GRIP1: variants seen among roughly 807,000 people sequenced by gnomAD.
GRIP1 encodes the protein glutamate receptor-interacting protein 1.
In GRIP1, 45 loss-of-function variants were observed where a neutral mutation model predicts 129.9. The ratio of observed to expected loss-of-function variants is 0.35; its 90% CI spans 0.27 to 0.44. The LOEUF is 0.44. GRIP1 is among the 20% of genes least tolerant of loss of function. GRIP1 has a pLI of 1.00. For synonymous variants in GRIP1, 530 were observed against 520.8 expected, an observed-to-expected ratio of 1.02 and a Z score of -0.24; for missense variants, 1,196 against 1,396.8, an observed-to-expected ratio of 0.86 and a Z score of 2.29.
intron 15 of GRIP1, among the ~76,000 whole-genome samples, chr12:66,406,731 T>G (rs2057205054): frequency 1.3e-5 from 2 of 152,238 alleles, no homozygotes; most frequent in Non-Finnish European, 2.9e-5. Context: ...GGCGAGGGTC[T>G]GCATAGACCC....
chr12:66,809,476 A>G (rs1168647423), intron 1 of GRIP1, among the ~76,000 whole-genome samples: 5 of 152,148 alleles, frequency 3.3e-5, no homozygotes, highest in Non-Finnish European at 5.9e-5. Flanking sequence ...TAGCCTTGGG[A>G]GAGATACCCT....
intron 1 of GRIP1, among the ~76,000 whole-genome samples, chr12:66,724,656 G>A (rs536617092): frequency 7.1e-4 from 108 of 152,116 alleles, no homozygotes; most frequent in African/African-American, 1.8e-3. Context: ...TGTACCATAC[G>A]ACCCCTCCTT....
intron 1 of GRIP1, among the ~76,000 whole-genome samples, chr12:66,844,911 C>G (rs2039786535): frequency 6.6e-6 from 1 of 152,038 alleles, no homozygotes; most frequent in African/African-American, 2.4e-5. Flanking sequence ...CTAGAATAGT[C>G]AAATTCATAG....
At chr12:66,866,059 C>T (rs896790763) in intron 1 of GRIP1, among the ~76,000 whole-genome samples, 11 of 152,112 alleles carry the variant, frequency 7.2e-5, no homozygotes, top group South Asian at 2.1e-4. Flanking sequence ...CCCATGGCTG[C>T]GACTTTTATT....
At chr12:66,913,214 A>G (rs546845256) in intron 1 of GRIP1, among the ~76,000 whole-genome samples, 10 of 152,260 alleles carry the variant, frequency 6.6e-5, no homozygotes, top group African/African-American at 2.4e-4. Flanking sequence ...TTACTCCAAA[A>G]CTTCTCAAAG....
chr12:66,688,988 G>T, intron 1 of GRIP1, among the ~76,000 whole-genome samples: 1 of 152,098 alleles, frequency 6.6e-6, no homozygotes, highest in East Asian at 1.9e-4. Context: ...CTGCAGTCTA[G>T]CAAGTACACC....
intron 1 of GRIP1, among the ~76,000 whole-genome samples, chr12:66,970,721 G>A (rs1221336380): frequency 6.6e-6 from 1 of 151,970 alleles, no homozygotes; most frequent in African/African-American, 2.4e-5. Flanking sequence ...CATTTTCTTA[G>A]GATTACATCT....
At chr12:66,380,861 C>A (rs778262398) in intron 19 of GRIP1, among the ~76,000 whole-genome samples, 61 of 152,052 alleles carry the variant, frequency 4.0e-4, no homozygotes, top group African/African-American at 1.4e-3. Context: ...TACATGGATG[C>A]GCTGGCTTGG....
At chr12:66,747,592 T>C (rs1429676079) in intron 1 of GRIP1, among the ~76,000 whole-genome samples, 1 of 152,090 alleles carries the variant, frequency 6.6e-6, no homozygotes, top group African/African-American at 2.4e-5. Flanking sequence ...ATGGGCACAA[T>C]AGCACACAAA....
At chr12:66,639,822 G>T (rs908873114) in intron 1 of GRIP1, among the ~76,000 whole-genome samples, 3 of 152,114 alleles carry the variant, frequency 2.0e-5, no homozygotes, top group Non-Finnish European at 4.4e-5. Flanking sequence ...ATTCTTTCAT[G>T]ACACATATGA....
intron 1 of GRIP1, among the ~76,000 whole-genome samples, chr12:67,038,045 A>C (rs900952937): frequency 2.7e-5 from 4 of 147,316 alleles, no homozygotes; most frequent in African/African-American, 7.5e-5. Context: ...TAAGTCATCT[A>C]TATGATCTAC....
intron 1 of GRIP1, among the ~76,000 whole-genome samples, chr12:66,937,823 A>G (rs555372581): frequency 1.2e-4 from 18 of 152,308 alleles, no homozygotes; most frequent in African/African-American, 4.3e-4. Flanking sequence ...AAATTATCTT[A>G]TTGGTCATAG....
intron 1 of GRIP1, among the ~76,000 whole-genome samples, chr12:66,821,424 C>CA (rs1272383952): frequency 2.0e-5 from 3 of 152,058 alleles, no homozygotes; most frequent in African/African-American, 4.8e-5. Context: ...TACTCAAGTC[C>CA]AAAACACCCT....
chr12:66,632,891 T>C (rs1409326905), intron 1 of GRIP1, among the ~76,000 whole-genome samples: 1 of 152,130 alleles, frequency 6.6e-6, no homozygotes, highest in Non-Finnish European at 1.5e-5. Flanking sequence ...TCCTTATGAA[T>C]TGGGATTGAT....
At chr12:66,350,390 G>A (rs147320785) in intron 24 of GRIP1, among the ~76,000 whole-genome samples, 2,043 of 152,192 alleles carry the variant, frequency 0.013, 108 homozygotes, top group Admixed American at 0.089. Flanking sequence ...CCAGCTACTT[G>A]GGAGCTGGCT....
chr12:66,514,163 A>G (rs2060779313), intron 7 of GRIP1, among the ~76,000 whole-genome samples: 2 of 152,054 alleles, frequency 1.3e-5, no homozygotes, highest in African/African-American at 4.8e-5. Flanking sequence ...TGTTTTTCCT[A>G]TCCATTGCAA....
At chr12:66,836,182 G>C (rs1344155390) in intron 1 of GRIP1, among the ~76,000 whole-genome samples, 1 of 152,006 alleles carries the variant, frequency 6.6e-6, no homozygotes, top group Non-Finnish European at 1.5e-5. Flanking sequence ...TATAATCATA[G>C]ACAAAACCCA....
chr12:66,980,563 G>A (rs7298033), intron 1 of GRIP1, among the ~76,000 whole-genome samples: 85,680 of 152,098 alleles, frequency 0.56, 24,858 homozygotes, highest in Non-Finnish European at 0.62. Flanking sequence ...GTGAGCCAAG[G>A]TCACACCACT....
At chr12:66,387,025 A>G (rs1396809429) in intron 19 of GRIP1, among the ~76,000 whole-genome samples, 1 of 152,234 alleles carries the variant, frequency 6.6e-6, no homozygotes, top group Non-Finnish European at 1.5e-5. Flanking sequence ...ATACATAAGA[A>G]AATACATAAT....
Sources: allele counts gnomAD v4.1 joint callset (sites outside exome capture counted in the v4.1 genomes callset), GRCh38; gene constraint gnomAD v4.1.1; transcripts MANE v1.5; gene names NCBI Gene and HGNC (gene_info 2026-07-23, HGNC 2026-07-21).